Variants in MBD2 observed in about 807,000 individuals in gnomAD.
MBD2 encodes the protein methyl-CpG-binding domain protein 2.
Under a neutral mutation model 39.3 loss-of-function variants are expected in MBD2, and 9 were observed. The observed-to-expected ratio is 0.23, with a 90% CI of 0.14 to 0.40. MBD2 has a LOEUF of 0.40. MBD2 is among the 10% of genes least tolerant of loss of function. The pLI, the probability that MBD2 is intolerant of heterozygous loss-of-function variation, is 1.00. For missense variants in MBD2, 458 were observed against 532.6 expected (o/e 0.86, Z 1.38); for synonymous variants, 233 against 211.1 (o/e 1.10, Z -0.90).
Position 54,218,782 on chromosome 18 carries a change from G to A in MBD2, c.542+5236C>T, listed in dbSNP as rs184258762. Among the ~76,000 whole-genome samples the A allele has an allele frequency of 5.3e-5, 8 of 152,218 alleles. No individual in the cohort carries two copies. The East Asian group carries it at 1.5e-3, about 29-fold the overall frequency. On this transcript the variant is annotated intron_variant, in intron 1 of 6. Coordinates refer to ENST00000256429, the MANE Select transcript of MBD2 (RefSeq NM_003927.5). Reference sequence around the variant, plus strand: ...TCAAGACCAGCCTGACCAACATGGTGAAACTCCGTCTCTAACTAAAAATAC... The same window carrying A: ...TCAAGACCAGCCTGACCAACATGGTAAAACTCCGTCTCTAACTAAAAATAC...
At chr18:54,176,107 T>G (rs890917459) in intron 3 of MBD2, among the ~76,000 whole-genome samples, 11 of 152,250 alleles carry the variant, frequency 7.2e-5, no homozygotes, top group Admixed American at 7.2e-4. Flanking sequence ...GCAATCTACA[T>G]CTGTCAAGAG....
rs916593507 is a variant in MBD2 at position 54,154,225 on chromosome 18, A to C, written c.*1099T>G. On this transcript the variant is annotated 3_prime_UTR_variant, in exon 7 of 7. Transcript: ENST00000256429. The stretch of plus-strand genomic sequence containing the variant: ...GTTTTGATTTTAGAAATCGTTTAAT[A>C]ATGTAATGCTAGTTTTCATAATTAA... 2.6e-5 allele frequency: 4 copies of C among 152,238 alleles called. No individual in the cohort carries two copies. 9.4% of individuals were successfully genotyped at this position (152,238 alleles called of 1,614,324 possible). A position where few individuals can be genotyped will look rare whatever the true frequency, so the allele number is the denominator to read the frequency against.
At chr18:54,207,778 C>A (rs1272439591) in intron 1 of MBD2, among the ~76,000 whole-genome samples, 5 of 152,162 alleles carry the variant, frequency 3.3e-5, no homozygotes, top group Admixed American at 2.6e-4. Flanking sequence ...TGGTTCATGC[C>A]TGTAATCCCA....
At chr18:54,191,604 C>G (rs534310648) in intron 2 of MBD2, among the ~76,000 whole-genome samples, 196 of 152,296 alleles carry the variant, frequency 1.3e-3, no homozygotes, top group African/African-American at 4.5e-3. Flanking sequence ...ATTTGCATTA[C>G]CTGTCTGGGC....
chr18:54,180,215 G>A (rs1389291350), intron 3 of MBD2, among the ~76,000 whole-genome samples: 7 of 152,150 alleles, frequency 4.6e-5, no homozygotes, highest in South Asian at 4.1e-4. Flanking sequence ...CCTAAGATTC[G>A]TGGACTGTAA....
At chr18:54,181,198 A>G (rs1437068983) in intron 3 of MBD2, among the ~76,000 whole-genome samples, 1 of 151,898 alleles carries the variant, frequency 6.6e-6, no homozygotes, top group Non-Finnish European at 1.5e-5. Flanking sequence ...ATCTAGCCTC[A>G]TTCCTTAATT....
At chr18:54,178,928 A>G (rs1477455933) in intron 3 of MBD2, among the ~76,000 whole-genome samples, 1 of 152,220 alleles carries the variant, frequency 6.6e-6, no homozygotes, top group Admixed American at 6.5e-5. Flanking sequence ...AAATCACATG[A>G]AAAAAACTAG....
At chr18:54,185,655 A>T (rs1382818208) in intron 3 of MBD2, among the ~76,000 whole-genome samples, 3 of 152,174 alleles carry the variant, frequency 2.0e-5, no homozygotes, top group Admixed American at 1.3e-4. Context: ...TGTTTTATGC[A>T]TCTAGCTGAA....
At chr18:54,222,419 C>T (rs763411596) in intron 1 of MBD2, 2 of 497,880 alleles carry the variant, frequency 4.0e-6, no homozygotes, top group South Asian at 2.9e-5. Flanking sequence ...CTCACAATAA[C>T]TTTCTTACCA....
rs2086117004 is a variant in MBD2, at chr18:54,164,515, T to C, written c.1109+8A>G. The C allele has an allele frequency of 6.3e-7, 1 of 1,599,306 alleles. No individual in the cohort carries two copies. On this transcript the variant is annotated splice_region_variant and intron_variant, in intron 5 of 6. Coordinates refer to ENST00000256429, the MANE Select transcript of MBD2 (RefSeq NM_003927.5). ...CCAAGTTTATGAAGTCATGTTAAAC[T>C]GCATTACCTGATGTCTTCATCTGTG...
chr18:54,178,250 A>G (rs1357336349), intron 3 of MBD2, among the ~76,000 whole-genome samples: 1 of 152,172 alleles, frequency 6.6e-6, no homozygotes, highest in East Asian at 1.9e-4. Context: ...AAATCCTCAA[A>G]ATTACCAGAA....
chr18:54,184,773 A>G (rs1234340956), intron 3 of MBD2, among the ~76,000 whole-genome samples: 1 of 152,166 alleles, frequency 6.6e-6, no homozygotes, highest in Non-Finnish European at 1.5e-5. Context: ...TTAAACACCT[A>G]TAGCACTTGC....
intron 2 of MBD2, among the ~76,000 whole-genome samples, chr18:54,201,521 C>A (rs112787094): frequency 6.6e-6 from 1 of 152,132 alleles, no homozygotes; most frequent in Middle Eastern, 3.2e-3. Flanking sequence ...CTTCACCCTA[C>A]CCACCCATCC....
In MBD2 at chr18:54,224,419, G is replaced by A. The variant is rs2086644779; in HGVS notation, c.141C>T (p.Ser47=). Residue 47 remains serine (S), a synonymous_variant, in exon 1 of 7, where the codon AGC becomes AGT. Transcript: ENST00000256429. ...QGSALAPSPV[S]GVRREGARGG... is the part of the protein sequence containing the mutation. ...CCCGAGCGCCTTCCCTGCGCACGCC[G>A]CTCACCGGGGACGGGGCGAGCGCGC... 3.2e-6 allele frequency: 4 copies of A among 1,241,840 alleles called. No homozygotes were observed. The highest frequency in any genetic ancestry group is 6.5e-5 in the South Asian group (2 of 30,718). 76.9% of individuals were successfully genotyped at this position (1,241,840 alleles called of 1,614,324 possible). A position where few individuals can be genotyped will look rare whatever the true frequency, so the allele number is the denominator to read the frequency against.
intron 3 of MBD2, among the ~76,000 whole-genome samples, chr18:54,186,865 T>C (rs1291898059): frequency 6.6e-6 from 1 of 152,170 alleles, no homozygotes; most frequent in Non-Finnish European, 1.5e-5. Flanking sequence ...TGACGTAAGT[T>C]TTTTGGGGAG....
At chr18:54,185,242 G>A (rs570265468) in intron 3 of MBD2, among the ~76,000 whole-genome samples, 45 of 152,068 alleles carry the variant, frequency 3.0e-4, no homozygotes, top group Non-Finnish European at 5.9e-4. Flanking sequence ...TCATATCCTT[G>A]AAAGGGGAAT....
rs371125761 is a variant in MBD2, at chr18:54,181,746, G to A, written c.840+7128C>T. Among the ~76,000 whole-genome samples the A allele has an allele frequency of 5.5e-4, 83 of 152,238 alleles. 1 individual carries two copies. The South Asian group carries it at 0.013, about 24-fold the overall frequency. ...GAACTCCTGACCACGTGATCCACCC[G>A]CCTCGGCCTCCCAAAGTGCTGGGAT... On this transcript the variant is annotated intron_variant, in intron 3 of 6. Coordinates refer to ENST00000256429, the MANE Select transcript of MBD2 (RefSeq NM_003927.5).
intron 2 of MBD2, among the ~76,000 whole-genome samples, chr18:54,202,072 G>C (rs1568089510): frequency 6.6e-6 from 1 of 152,110 alleles, no homozygotes; most frequent in Non-Finnish European, 1.5e-5. Context: ...GTTGGGCGTG[G>C]TGTCTCACGC....
At chr18:54,185,498 A>G (rs2086279752) in intron 3 of MBD2, among the ~76,000 whole-genome samples, 2 of 152,168 alleles carry the variant, frequency 1.3e-5, no homozygotes, top group Admixed American at 1.3e-4. Flanking sequence ...AGAAGCAATC[A>G]AGAGACCAGA....
Sources: allele counts gnomAD v4.1 joint callset (sites outside exome capture counted in the v4.1 genomes callset), GRCh38; gene constraint gnomAD v4.1.1; transcripts MANE v1.5; gene names NCBI Gene and HGNC (gene_info 2026-07-23, HGNC 2026-07-21).